CTNND2: variants seen among roughly 807,000 people sequenced by gnomAD.
CTNND2 encodes the protein catenin delta 2.
In CTNND2, 22 loss-of-function variants were observed where a neutral mutation model predicts 144.4. The observed-to-expected ratio is 0.15, with a 90% CI of 0.11 to 0.22. CTNND2 has a LOEUF of 0.22. CTNND2 is among the 10% of genes least tolerant of loss of function. The pLI is 1.00. For missense variants in CTNND2, 1,353 were observed against 1,618.8 expected (o/e 0.84, Z 2.82); for synonymous variants, 751 against 695.6 (o/e 1.08, Z -1.25).
chr5:11,773,545 G>A (rs1317561368), intron 1 of CTNND2, among the ~76,000 whole-genome samples: 2 of 152,114 alleles, frequency 1.3e-5, no homozygotes, highest in Non-Finnish European at 2.9e-5. Flanking sequence ...TGGGCGTGGT[G>A]GCTCATGCCT....
chr5:11,887,188 T>A (rs1736615723), intron 1 of CTNND2, among the ~76,000 whole-genome samples: 2 of 152,022 alleles, frequency 1.3e-5, no homozygotes, highest in Non-Finnish European at 2.9e-5. Context: ...TTTAACCATG[T>A]TAGCCAGAAT....
At chr5:11,467,235 G>A (rs535114463) in intron 3 of CTNND2, among the ~76,000 whole-genome samples, 24 of 152,358 alleles carry the variant, frequency 1.6e-4, no homozygotes, top group African/African-American at 5.5e-4. Flanking sequence ...GCTCTCCCAG[G>A]CTGGCCTGCC....
intron 1 of CTNND2, among the ~76,000 whole-genome samples, chr5:11,812,913 T>C (rs1037041976): frequency 3.3e-5 from 5 of 152,176 alleles, no homozygotes; most frequent in Admixed American, 6.5e-5. Context: ...CCATTAATTA[T>C]GTGTTCTTGC....
intron 3 of CTNND2, among the ~76,000 whole-genome samples, chr5:11,423,856 T>C (rs1217576234): frequency 1.3e-5 from 2 of 152,222 alleles, no homozygotes; most frequent in Non-Finnish European, 2.9e-5. Flanking sequence ...TACAAATGAA[T>C]AACCATTGCC....
chr5:11,596,201 A>G (rs946875730), intron 2 of CTNND2, among the ~76,000 whole-genome samples: 1 of 152,246 alleles, frequency 6.6e-6, no homozygotes, highest in African/African-American at 2.4e-5. Flanking sequence ...CTTCTAAGAA[A>G]TAACTCGACT....
At chr5:11,253,946 A>G (rs1743935345) in intron 9 of CTNND2, among the ~76,000 whole-genome samples, 1 of 152,126 alleles carries the variant, frequency 6.6e-6, no homozygotes. Context: ...TTAATTTTTT[A>G]TGTTTACTTA....
intron 1 of CTNND2, among the ~76,000 whole-genome samples, chr5:11,872,793 C>A (rs545508514): frequency 6.6e-6 from 1 of 152,144 alleles, no homozygotes; most frequent in African/African-American, 2.4e-5. Context: ...GGAAAACTGG[C>A]TAGCCATATG....
In CTNND2 at chr5:11,558,341, C is replaced by CGTGTGTGTGT. The variant is rs59741742; in HGVS notation, c.287+6593_287+6602dup. On this transcript the variant is annotated intron_variant, in intron 3 of 21. Coordinates refer to ENST00000304623, the MANE Select transcript of CTNND2 (RefSeq NM_001332.4). ...GGTAATACTTTGGCTGTGAGAAACACGTGTGTGTGTGTGTGTGTGTGTGTG... is the reference window on the plus strand; with the variant it reads ...GGTAATACTTTGGCTGTGAGAAACACGTGTGTGTGTGTGTGTGTGTGTGTGTGTGTGTGTG... Among the ~76,000 whole-genome samples the CGTGTGTGTGT allele has an allele frequency of 4.6e-3, 609 of 132,218 alleles. 3 individuals are homozygous for CGTGTGTGTGT. Among genetic ancestry groups the CGTGTGTGTGT allele is most frequent in the South Asian group, 9.0e-3 (33 of 3,684 alleles). The allele number at this position is 132,218 out of a possible 152,430, so 86.7% of individuals were successfully genotyped here.
chr5:11,308,649 T>C (rs746544135), intron 9 of CTNND2, among the ~76,000 whole-genome samples: 1 of 152,246 alleles, frequency 6.6e-6, no homozygotes, highest in African/African-American at 2.4e-5. Context: ...TGATTTTTTA[T>C]TTTTAAACAT....
chr5:11,659,106 C>T (rs144049617), intron 2 of CTNND2, among the ~76,000 whole-genome samples: 265 of 151,890 alleles, frequency 1.7e-3, no homozygotes, highest in African/African-American at 6.0e-3. Flanking sequence ...ATTCAACCAA[C>T]GGCAGATCAA....
intron 6 of CTNND2, among the ~76,000 whole-genome samples, chr5:11,390,271 G>C (rs925699791): frequency 1.1e-4 from 16 of 152,168 alleles, no homozygotes; most frequent in African/African-American, 3.9e-4. Context: ...TAAGAATATG[G>C]CACTCTTAAA....
intron 3 of CTNND2, among the ~76,000 whole-genome samples, chr5:11,553,344 G>A (rs1015711863): frequency 2.0e-5 from 3 of 152,136 alleles, no homozygotes; most frequent in African/African-American, 7.2e-5. Flanking sequence ...GTACTACTCT[G>A]ATACATCTTT....
chr5:11,410,278 T>C (rs1351207518), intron 5 of CTNND2, among the ~76,000 whole-genome samples: 1 of 152,142 alleles, frequency 6.6e-6, no homozygotes, highest in Non-Finnish European at 1.5e-5. Flanking sequence ...ATTGAGAGGA[T>C]GCATATGGGT....
chr5:11,818,004 T>TTTTTTTTTTTTTTTTTTTC lies in CTNND2; in HGVS notation c.38-85733_38-85732insGAAAAAAAAAAAAAAAAAA, dbSNP rs1554126308. Among the ~76,000 whole-genome samples, 7 of 93,256 alleles carry TTTTTTTTTTTTTTTTTTTC rather than the reference T, an allele frequency of 7.5e-5. 3 individuals are homozygous for TTTTTTTTTTTTTTTTTTTC. The highest frequency in any genetic ancestry group is 2.1e-5 in the Non-Finnish European group (1 of 47,324). The allele number at this position is 93,256 out of a possible 152,430, so 61.2% of individuals were successfully genotyped here. A position where few individuals can be genotyped will look rare whatever the true frequency, so the allele number is the denominator to read the frequency against. On this transcript the variant is annotated intron_variant, in intron 1 of 21. Coordinates refer to ENST00000304623, the MANE Select transcript of CTNND2 (RefSeq NM_001332.4). ...GTGTTTTTTTTTTTTTTTTTTTTTTTCAGTTCTCCTCCATCCAATATCAAA... is the reference window on the plus strand; with the variant it reads ...GTGTTTTTTTTTTTTTTTTTTTTTTTTTTTTTTTTTTTTTTTTTCCAGTTCTCCTCCATCCAATATCAAA...
chr5:10,980,843 A>G (rs1737149292), intron 21 of CTNND2, among the ~76,000 whole-genome samples: 1 of 152,160 alleles, frequency 6.6e-6, no homozygotes, highest in African/African-American at 2.4e-5. Context: ...GTGGGAGTTG[A>G]ACAATGAGAA....
chr5:11,148,246 T>C (rs80192671), intron 12 of CTNND2, among the ~76,000 whole-genome samples: 1,980 of 152,328 alleles, frequency 0.013, 34 homozygotes, highest in African/African-American at 0.044. Context: ...ACTAGGTAGA[T>C]GTCATTTTCA....
chr5:11,794,728 T>C (rs953474023), intron 1 of CTNND2, among the ~76,000 whole-genome samples: 1 of 152,166 alleles, frequency 6.6e-6, no homozygotes, highest in Non-Finnish European at 1.5e-5. Flanking sequence ...TACCATCTTT[T>C]CTCCCACGTA....
At chr5:11,893,960 A>C (rs530955568) in intron 1 of CTNND2, among the ~76,000 whole-genome samples, 2 of 152,200 alleles carry the variant, frequency 1.3e-5, no homozygotes, top group Non-Finnish European at 2.9e-5. Context: ...ATACTCATTG[A>C]GGAATGTTTA....
At chr5:11,586,279 A>G (rs1185773342) in intron 2 of CTNND2, among the ~76,000 whole-genome samples, 2 of 152,148 alleles carry the variant, frequency 1.3e-5, no homozygotes, top group African/African-American at 4.8e-5. Flanking sequence ...CACAGCAATT[A>G]CTTTACTACA....
Sources: allele counts gnomAD v4.1 joint callset (sites outside exome capture counted in the v4.1 genomes callset), GRCh38; gene constraint gnomAD v4.1.1; transcripts MANE v1.5; gene names NCBI Gene and HGNC (gene_info 2026-07-23, HGNC 2026-07-21).